LRRTM4: variants seen among roughly 807,000 people sequenced by gnomAD.
The protein encoded by LRRTM4 is leucine-rich repeat transmembrane neuronal protein 4.
LRRTM4 carries 25 observed loss-of-function variants against 47.6 expected under a neutral mutation model. The ratio of observed to expected loss-of-function variants is 0.53; its 90% CI spans 0.38 to 0.73. The LOEUF is 0.73. Among genes scored for constraint, LRRTM4 ranks in the 30% least tolerant of loss-of-function variants. The probability of loss-of-function intolerance (pLI) is 0.00; values close to 1 mark genes in which losing one functional copy is unlikely to be tolerated. For synonymous variants in LRRTM4, 311 were observed against 269.5 expected (o/e 1.15, Z -1.51); for missense variants, 638 against 713.4 (o/e 0.89, Z 1.20).
At chr2:76,873,472 GTA>G (rs200848735) in intron 3 of LRRTM4, among the ~76,000 whole-genome samples, 2,465 of 136,976 alleles carry the variant, frequency 0.018, 30 homozygotes, top group Non-Finnish European at 0.026. Context: ...GTGTGTGTGT[GTA>G]TATATATATG....
At chr2:77,134,369 G>A (rs1340014358) in intron 3 of LRRTM4, among the ~76,000 whole-genome samples, 1 of 152,012 alleles carries the variant, frequency 6.6e-6, no homozygotes, top group Non-Finnish European at 1.5e-5. Flanking sequence ...ATTGTTTTGA[G>A]GTTGATGACT....
intron 3 of LRRTM4, among the ~76,000 whole-genome samples, chr2:77,073,183 T>G (rs192109953): frequency 5.1e-4 from 78 of 152,168 alleles, no homozygotes; most frequent in African/African-American, 1.8e-3. Context: ...CAGTGTTTTT[T>G]TTTTCCCTAG....
chr2:76,837,177 G>T (rs1268386719), intron 3 of LRRTM4, among the ~76,000 whole-genome samples: 1 of 152,132 alleles, frequency 6.6e-6, no homozygotes, highest in Non-Finnish European at 1.5e-5. Flanking sequence ...GCATAGAGGT[G>T]TTTGTAGTAT....
chr2:77,106,980 A>G (rs1671109930), intron 3 of LRRTM4, among the ~76,000 whole-genome samples: 1 of 152,102 alleles, frequency 6.6e-6, no homozygotes, highest in Non-Finnish European at 1.5e-5. Context: ...ATGTAAGAAA[A>G]TTAATATTTT....
At chr2:76,838,581 T>C (rs1193236974) in intron 3 of LRRTM4, among the ~76,000 whole-genome samples, 1 of 152,096 alleles carries the variant, frequency 6.6e-6, no homozygotes, top group Non-Finnish European at 1.5e-5. Context: ...CACCTCTATT[T>C]AATACATAAA....
chr2:77,069,401 A>ATGTGTGTGTGTGTGTGTGTGTGTGTG (rs3058064), intron 3 of LRRTM4, among the ~76,000 whole-genome samples: 2 of 141,476 alleles, frequency 1.4e-5, no homozygotes, highest in African/African-American at 5.2e-5. Flanking sequence ...ACATTTCACT[A>ATGTGTGTGTGTGTGTGTGTGTGTGTG]TGTGTGTGTG....
chr2:76,786,684 C>G (rs1246662557), intron 3 of LRRTM4, among the ~76,000 whole-genome samples: 1 of 151,926 alleles, frequency 6.6e-6, no homozygotes. Flanking sequence ...TCCTCCACTT[C>G]TTTGATTCCT....
chr2:77,388,090 G>A (rs1246636761), intron 3 of LRRTM4, among the ~76,000 whole-genome samples: 1 of 151,702 alleles, frequency 6.6e-6, no homozygotes, highest in Non-Finnish European at 1.5e-5. Flanking sequence ...ATTTGCCTGA[G>A]AGTGTGATGC....
chr2:77,309,944 A>G (rs1167805993), intron 3 of LRRTM4, among the ~76,000 whole-genome samples: 6 of 152,040 alleles, frequency 3.9e-5, no homozygotes, highest in African/African-American at 1.2e-4. Flanking sequence ...TTTTTTAACT[A>G]TTGTCTGTGG....
chr2:77,370,780 T>C (rs1372481589), intron 3 of LRRTM4, among the ~76,000 whole-genome samples: 2 of 151,700 alleles, frequency 1.3e-5, no homozygotes, highest in African/African-American at 4.8e-5. Context: ...AGAGGATTTA[T>C]TATTATTAAG....
At chr2:76,955,341 GA>G (rs931383961) in intron 3 of LRRTM4, among the ~76,000 whole-genome samples, 2 of 151,668 alleles carry the variant, frequency 1.3e-5, no homozygotes, top group African/African-American at 2.4e-5. Flanking sequence ...TCCGTTGGGA[GA>G]AAAAAAGTGT....
chr2:77,449,780 G>A (rs1223347443), intron 3 of LRRTM4, among the ~76,000 whole-genome samples: 3 of 152,168 alleles, frequency 2.0e-5, no homozygotes, highest in African/African-American at 7.2e-5. Context: ...CCACAGTGTT[G>A]CTTCAATGGA....
At chr2:77,450,681 T>C (rs1346650018) in intron 3 of LRRTM4, among the ~76,000 whole-genome samples, 1 of 152,104 alleles carries the variant, frequency 6.6e-6, no homozygotes, top group Non-Finnish European at 1.5e-5. Flanking sequence ...CTATATCTGG[T>C]TATATACTAA....
At chr2:76,927,527 A>G (rs1674626147) in intron 3 of LRRTM4, among the ~76,000 whole-genome samples, 1 of 152,144 alleles carries the variant, frequency 6.6e-6, no homozygotes, top group South Asian at 2.1e-4. Flanking sequence ...TCTCGGAGCT[A>G]CTGCCTTTCC....
At chr2:77,056,589 TA>T (rs1234108779) in intron 3 of LRRTM4, among the ~76,000 whole-genome samples, 1 of 152,112 alleles carries the variant, frequency 6.6e-6, no homozygotes, top group Non-Finnish European at 1.5e-5. Flanking sequence ...AAGACTGTCA[TA>T]AAAATACACA....
intron 3 of LRRTM4, among the ~76,000 whole-genome samples, chr2:77,172,921 A>G (rs1673095769): frequency 6.6e-6 from 1 of 152,182 alleles, no homozygotes; most frequent in Non-Finnish European, 1.5e-5. Flanking sequence ...GCTTCTCAAC[A>G]AAGGCTGAGA....
chr2:77,338,892 A>G (rs765987708), intron 3 of LRRTM4, among the ~76,000 whole-genome samples: 17 of 152,198 alleles, frequency 1.1e-4, no homozygotes, highest in Non-Finnish European at 1.9e-4. Flanking sequence ...AATGTGCTAC[A>G]TATTATACCA....
At chr2:77,165,927 T>C (rs1672871571) in intron 3 of LRRTM4, among the ~76,000 whole-genome samples, 1 of 152,102 alleles carries the variant, frequency 6.6e-6, no homozygotes, top group Non-Finnish European at 1.5e-5. Context: ...CTCTCACCAC[T>C]CCTAGTCAAC....
intron 3 of LRRTM4, among the ~76,000 whole-genome samples, chr2:77,350,144 A>G (rs1474283583): frequency 1.3e-5 from 2 of 150,324 alleles, no homozygotes; most frequent in Non-Finnish European, 3.0e-5. Context: ...AACAAGGTGA[A>G]ACCCCGTCTC....
Sources: allele counts gnomAD v4.1 joint callset (sites outside exome capture counted in the v4.1 genomes callset), GRCh38; gene constraint gnomAD v4.1.1; transcripts MANE v1.5; gene names NCBI Gene and HGNC (gene_info 2026-07-23, HGNC 2026-07-21).